PKIB: variants seen among roughly 807,000 people sequenced by gnomAD.
PKIB encodes the protein PKI-beta.
Under a neutral mutation model 4.5 loss-of-function variants are expected in PKIB, and 2 were observed. The ratio of observed to expected loss-of-function variants is 0.44; its 90% confidence interval spans 0.18 to 1.39. The LOEUF is 1.39. Ranked by LOEUF, PKIB falls within the 40% of genes most tolerant of loss-of-function variation. PKIB has a pLI of 0.27. For synonymous variants in PKIB, 38 were observed against 36.0 expected (o/e 1.06, Z -0.20); for missense variants, 94 against 92.6 (o/e 1.02, Z -0.06).
At chr6:122,668,493 T>A (rs1280438069) in intron 2 of PKIB, among the ~76,000 whole-genome samples, 1 of 152,198 alleles carries the variant, frequency 6.6e-6, no homozygotes, top group African/African-American at 2.4e-5. Context: ...CTTAAGCAGC[T>A]ATACTACACA....
intron 1 of PKIB, among the ~76,000 whole-genome samples, chr6:122,614,874 A>C (rs1470137338): frequency 1.3e-5 from 2 of 152,180 alleles, no homozygotes; most frequent in Non-Finnish European, 2.9e-5. Context: ...AGTTTATTTT[A>C]TATTTTAAAA....
At chr6:122,531,756 A>G (rs1311669352) in intron 2 of PKIB, among the ~76,000 whole-genome samples, 1 of 152,146 alleles carries the variant, frequency 6.6e-6, no homozygotes, top group Non-Finnish European at 1.5e-5. Flanking sequence ...CTAATTGTCT[A>G]TATTCTTATT....
chr6:122,676,445 A>G (rs746797803), intron 3 of PKIB, among the ~76,000 whole-genome samples: 1 of 152,172 alleles, frequency 6.6e-6, no homozygotes, highest in Non-Finnish European at 1.5e-5. Context: ...TGTAAAGAAG[A>G]TCAGTAAAGC....
At chr6:122,705,998 C>A (rs902555199) in intron 3 of PKIB, among the ~76,000 whole-genome samples, 3 of 152,208 alleles carry the variant, frequency 2.0e-5, no homozygotes, top group South Asian at 2.1e-4. Context: ...TGCTCCAACT[C>A]ATTTTTCCAA....
intron 2 of PKIB, among the ~76,000 whole-genome samples, chr6:122,513,605 G>T (rs1223690529): frequency 6.6e-6 from 1 of 152,110 alleles, no homozygotes; most frequent in African/African-American, 2.4e-5. Flanking sequence ...CCAAAGGGTT[G>T]TTTTTCACCC....
At position 122,713,294 on chromosome 6, in the gene PKIB, A is replaced by G. The variant is rs78934550; in HGVS notation, c.-8-4493A>G. 1.3e-3 allele frequency among the ~76,000 whole-genome samples: 195 copies of G among 152,294 alleles called. 2 individuals carry two copies. The East Asian group carries it at 0.016, about 13-fold the overall frequency. ...ACAGTTGACAAAGCAGCACTCATCTAGAGTCCTTTGTTAATTCTCTAGAAG... is the reference window on the plus strand; with the variant it reads ...ACAGTTGACAAAGCAGCACTCATCTGGAGTCCTTTGTTAATTCTCTAGAAG... On this transcript the variant is annotated intron_variant, in intron 3 of 4. Transcript: ENST00000368452.
At chr6:122,669,933 G>T (rs371056619) in intron 2 of PKIB, among the ~76,000 whole-genome samples, 2 of 151,886 alleles carry the variant, frequency 1.3e-5, no homozygotes, top group Non-Finnish European at 2.9e-5. Flanking sequence ...TGGATGAAAC[G>T]CAATGTAAGT....
chr6:122,714,255 G>A (rs554204586), intron 3 of PKIB, among the ~76,000 whole-genome samples: 8 of 152,308 alleles, frequency 5.3e-5, no homozygotes, highest in Middle Eastern at 3.4e-3. Context: ...GGTGAAGCAT[G>A]ACATCTTGGT....
intron 3 of PKIB, among the ~76,000 whole-genome samples, chr6:122,695,019 C>A (rs1159117240): frequency 1.3e-5 from 2 of 152,026 alleles, no homozygotes. Context: ...TTCTTTGGAG[C>A]CTTCTCTCCT....
At chr6:122,535,039 A>G (rs1041288874) in intron 2 of PKIB, among the ~76,000 whole-genome samples, 3 of 152,076 alleles carry the variant, frequency 2.0e-5, no homozygotes, top group Non-Finnish European at 4.4e-5. Flanking sequence ...AAATAGATGC[A>G]TTTTTAGTGT....
At chr6:122,520,780 C>T (rs113245931) in intron 2 of PKIB, among the ~76,000 whole-genome samples, 2 of 151,070 alleles carry the variant, frequency 1.3e-5, no homozygotes, top group Non-Finnish European at 2.9e-5. Flanking sequence ...AAAGTAGGGA[C>T]CATTACAATC....
chr6:122,554,647 G>A (rs1303193595), intron 2 of PKIB, among the ~76,000 whole-genome samples: 2 of 152,164 alleles, frequency 1.3e-5, no homozygotes, highest in Non-Finnish European at 2.9e-5. Context: ...GGAAAACAAG[G>A]ACTTTAATCA....
intron 3 of PKIB, among the ~76,000 whole-genome samples, chr6:122,706,295 C>A (rs1455991584): frequency 2.0e-5 from 3 of 152,076 alleles, no homozygotes; most frequent in Admixed American, 6.5e-5. Flanking sequence ...CATATATTTA[C>A]TTCTATTTTT....
At chr6:122,547,236 G>A (rs931248606) in intron 2 of PKIB, among the ~76,000 whole-genome samples, 6 of 152,094 alleles carry the variant, frequency 3.9e-5, no homozygotes, top group African/African-American at 1.2e-4. Flanking sequence ...GGTCTGAAGG[G>A]AGTGGGTGGA....
In PKIB at chr6:122,600,059, T is replaced by C. The variant is rs1311969553; in HGVS notation, c.-161+14052T>C. Among the ~76,000 whole-genome samples the C allele has an allele frequency of 2.6e-5, 4 of 151,720 alleles. No homozygotes were observed. The East Asian group carries it at 7.7e-4, about 29-fold the overall frequency. On this transcript the variant is annotated intron_variant, in intron 3 of 6. Transcript: ENST00000392491. ...TATATCTATCTATACAAAGGGGAGT[T>C]TATTAAGTATTAGCTTACATGATCA...
At chr6:122,622,635 C>G (rs1775284911) in intron 1 of PKIB, among the ~76,000 whole-genome samples, 1 of 152,124 alleles carries the variant, frequency 6.6e-6, no homozygotes, top group Non-Finnish European at 1.5e-5. Flanking sequence ...CCCCATGGAT[C>G]AGTCATAAGG....
chr6:122,636,462 G>A (rs1261378783), intron 2 of PKIB, among the ~76,000 whole-genome samples: 1 of 151,774 alleles, frequency 6.6e-6, no homozygotes, highest in Non-Finnish European at 1.5e-5. Context: ...ATATTATATA[G>A]CTATGAATAA....
intron 3 of PKIB, chr6:122,717,563 G>T: frequency 2.0e-6 from 1 of 505,286 alleles, no homozygotes; most frequent in Non-Finnish European, 3.5e-6. Context: ...CGGCTCAGGG[G>T]TTATTTTTAG....
intron 2 of PKIB, among the ~76,000 whole-genome samples, chr6:122,541,730 G>T (rs1777610687): frequency 6.6e-6 from 1 of 151,934 alleles, no homozygotes; most frequent in African/African-American, 2.4e-5. Context: ...ATGTTGGCCT[G>T]CCTTGCTAGA....
Sources: gnomAD v4.1 joint callset for allele counts (sites outside exome capture counted in the v4.1 genomes callset) on GRCh38, gnomAD v4.1.1 for gene constraint, MANE v1.5 for transcripts, NCBI Gene and HGNC (gene_info 2026-07-23, HGNC 2026-07-21) for gene names.